Variants in PLS3 observed in about 807,000 individuals in gnomAD.
The protein encoded by PLS3 is plastin 3.
In PLS3, 11 loss-of-function variants were observed where a neutral mutation model predicts 46.5. That is an observed-to-expected ratio of 0.24 (90% CI 0.15 to 0.39). PLS3 has a LOEUF of 0.39. Among genes scored for constraint, PLS3 ranks in the 10% least tolerant of loss-of-function variants. PLS3 has a pLI of 1.00. For missense variants in PLS3, 308 were observed against 461.8 expected (o/e 0.67, Z 3.05); for synonymous variants, 167 against 162.2 (o/e 1.03, Z -0.22).
chrX:115,628,177 A>G (rs2074729774), intron 3 of PLS3, among the ~76,000 whole-genome samples: 1 of 112,249 alleles, frequency 8.9e-6, no homozygotes, highest in African/African-American at 3.2e-5. Flanking sequence ...GCTCTGACAC[A>G]TACAACCTGA....
At chrX:115,598,173 G>A (rs2074407519) in intron 1 of PLS3, among the ~76,000 whole-genome samples, 1 of 108,997 alleles carries the variant, frequency 9.2e-6, no homozygotes, top group Non-Finnish European at 1.9e-5. Flanking sequence ...GATATTGCGT[G>A]CCTGTAATCC....
intron 1 of PLS3, among the ~76,000 whole-genome samples, chrX:115,609,305 T>C (rs1306008154): frequency 9.0e-6 from 1 of 111,213 alleles, no homozygotes; most frequent in Non-Finnish European, 1.9e-5. Context: ...ATCATAAATA[T>C]TGTGTGCCAA....
chrX:115,620,649 T>G (rs1447238391), intron 2 of PLS3, among the ~76,000 whole-genome samples: 1 of 108,334 alleles, frequency 9.2e-6, no homozygotes, highest in Non-Finnish European at 1.9e-5. Context: ...AAATGTCCCC[T>G]GGGGGCAAGA....
At chrX:115,576,417 C>T (rs782610537) in intron 1 of PLS3, among the ~76,000 whole-genome samples, 174 of 111,241 alleles carry the variant, frequency 1.6e-3, no homozygotes, top group Non-Finnish European at 2.6e-3. Flanking sequence ...AAAAATAAAA[C>T]AAAATTAGCC....
intron 1 of PLS3, among the ~76,000 whole-genome samples, chrX:115,572,825 G>C (rs782602989): frequency 9.0e-6 from 1 of 111,304 alleles, no homozygotes; most frequent in South Asian, 3.8e-4. Context: ...CGTGCCCGGT[G>C]GTTCATGCCA....
At chrX:115,612,507 C>T (rs1556636239) in intron 2 of PLS3, among the ~76,000 whole-genome samples, 1 of 110,883 alleles carries the variant, frequency 9.0e-6, no homozygotes, top group Admixed American at 9.7e-5. Context: ...ACTTATTATC[C>T]TGTGAAGGAC....
intron 1 of PLS3, among the ~76,000 whole-genome samples, chrX:115,588,171 T>A (rs1318447910): frequency 1.8e-5 from 2 of 112,495 alleles, no homozygotes; most frequent in Non-Finnish European, 3.8e-5. Context: ...GAAAAAATCA[T>A]TGATATTGTA....
At chrX:115,639,288 C>T (rs927030450) in intron 8 of PLS3, among the ~76,000 whole-genome samples, 2 of 111,869 alleles carry the variant, frequency 1.8e-5, no homozygotes, top group African/African-American at 3.3e-5. Flanking sequence ...ATGATAGAAT[C>T]GGAGTTGGCA....
intron 1 of PLS3, among the ~76,000 whole-genome samples, chrX:115,599,624 C>CATTATT (rs781845776): frequency 4.9e-4 from 46 of 93,870 alleles, no homozygotes; most frequent in African/African-American, 1.3e-3. Flanking sequence ...TGGAGAAACA[C>CATTATT]ATTATTATTA....
chrX:115,576,631 T>C (rs1216948821), intron 1 of PLS3, among the ~76,000 whole-genome samples: 3 of 111,990 alleles, frequency 2.7e-5, no homozygotes, highest in African/African-American at 9.7e-5. Flanking sequence ...AAACAGCTAA[T>C]GACTCATAGA....
chrX:115,620,558 G>A (rs148546534), intron 2 of PLS3, among the ~76,000 whole-genome samples: 3,444 of 110,027 alleles, frequency 0.031, 136 homozygotes, highest in African/African-American at 0.11. Flanking sequence ...CAAGGAAGGG[G>A]TCATATCCAT....
intron 1 of PLS3, among the ~76,000 whole-genome samples, chrX:115,576,785 C>A (rs2074251716): frequency 1.8e-5 from 2 of 110,744 alleles, no homozygotes; most frequent in Admixed American, 9.6e-5. Flanking sequence ...GGAGTTAAGT[C>A]AAAAAAAAGG....
At chrX:115,602,422 T>C (rs1412596349) in intron 1 of PLS3, among the ~76,000 whole-genome samples, 1 of 111,822 alleles carries the variant, frequency 8.9e-6, no homozygotes, top group African/African-American at 3.2e-5. Flanking sequence ...AATCATAGTA[T>C]GAATAGGTGA....
intron 10 of PLS3, 49 bp downstream of exon 10, chrX:115,643,557 A>G (rs2074919750): frequency 1.5e-6 from 1 of 680,231 alleles, no homozygotes; most frequent in South Asian, 2.9e-5. Flanking sequence ...GAGTAGAAAT[A>G]CATAGGCCAC....
intron 1 of PLS3, among the ~76,000 whole-genome samples, chrX:115,581,877 CTT>C (rs1183087885): frequency 1.8e-5 from 2 of 111,653 alleles, no homozygotes; most frequent in Non-Finnish European, 3.8e-5. Context: ...ATAAAGAAAA[CTT>C]CCCTAAGTTA....
chrX:115,565,170 T>C (rs140433023), intron 1 of PLS3, among the ~76,000 whole-genome samples: 1,211 of 111,576 alleles, frequency 0.011, 18 homozygotes, highest in African/African-American at 0.037. Flanking sequence ...GAAATGTCAG[T>C]CTTAGAAGAT....
chrX:115,584,481 A>C (rs2074296237), intron 1 of PLS3, among the ~76,000 whole-genome samples: 1 of 112,527 alleles, frequency 8.9e-6, no homozygotes, highest in Non-Finnish European at 1.9e-5. Context: ...TACAGCTTGA[A>C]TAGGGAAAAA....
intron 1 of PLS3, among the ~76,000 whole-genome samples, chrX:115,573,778 A>C (rs964762613): frequency 9.0e-6 from 1 of 110,882 alleles, no homozygotes; most frequent in Non-Finnish European, 1.9e-5. Context: ...ATTTCGGCTC[A>C]CTGCAACCTC....
chrX:115,634,848 A>C, intron 6 of PLS3, 33 bp from the exon 7 acceptor site: 2 of 1,181,585 alleles, frequency 1.7e-6, no homozygotes, highest in African/African-American at 3.5e-5. Flanking sequence ...TGGAAAGGTC[A>C]AGAAGCAAGT....
Sources: gnomAD v4.1 joint callset for allele counts (sites outside exome capture counted in the v4.1 genomes callset) on GRCh38, gnomAD v4.1.1 for gene constraint, MANE v1.5 for transcripts, NCBI Gene and HGNC (gene_info 2026-07-23, HGNC 2026-07-21) for gene names.